Variants in CDKAL1 observed in about 807,000 individuals in gnomAD.
The protein encoded by CDKAL1 is threonylcarbamoyladenosine tRNA methylthiotransferase.
In CDKAL1, 32 loss-of-function variants were observed where a neutral mutation model predicts 68.2. The observed-to-expected ratio is 0.47, with a 90% confidence interval of 0.35 to 0.63. CDKAL1 has a LOEUF of 0.63. Ranked by LOEUF, CDKAL1 falls within the 30% of genes least tolerant of loss-of-function variation. The pLI is 0.00. For synonymous variants in CDKAL1, 234 were observed against 244.3 expected (o/e 0.96, Z 0.39); for missense variants, 606 against 696.7 (o/e 0.87, Z 1.47).
chr6:20,748,725 A>T (rs1283746094), intron 6 of CDKAL1, among the ~76,000 whole-genome samples: 1 of 151,970 alleles, frequency 6.6e-6, no homozygotes, highest in African/African-American at 2.4e-5. Context: ...TTTTTCAACA[A>T]GCCCACCAAG....
chr6:20,719,690 T>C (rs1372402194), intron 5 of CDKAL1, among the ~76,000 whole-genome samples: 1 of 152,208 alleles, frequency 6.6e-6, no homozygotes, highest in Non-Finnish European at 1.5e-5. Context: ...AAATGTATAG[T>C]TTAGCGAATT....
rs578050052 is a variant in CDKAL1, at chr6:20,950,080, G to A, written c.743-5339G>A. On this transcript the variant is annotated intron_variant, in intron 9 of 15. Transcript: ENST00000274695. ...GCTAGGATGGCAGGCACGAGCGCCCGGCCTCAAAGAGGTATTTTTTATGCA... is the reference window on the plus strand; with the variant it reads ...GCTAGGATGGCAGGCACGAGCGCCCAGCCTCAAAGAGGTATTTTTTATGCA... Among the ~76,000 whole-genome samples, 4 of 152,116 alleles carry A rather than the reference G, an allele frequency of 2.6e-5. 1 individual carries two copies. Among genetic ancestry groups the A allele is most frequent in the South Asian group, 4.2e-4 (2 of 4,814 alleles).
At chr6:21,003,209 A>G (rs1036243673) in intron 11 of CDKAL1, among the ~76,000 whole-genome samples, 92 of 151,022 alleles carry the variant, frequency 6.1e-4, no homozygotes, top group African/African-American at 2.0e-3. Flanking sequence ...ATTTAGAAGT[A>G]GATGAAATAT....
At chr6:20,562,622 A>G (rs942096637) in intron 4 of CDKAL1, among the ~76,000 whole-genome samples, 6 of 151,908 alleles carry the variant, frequency 3.9e-5, no homozygotes, top group Admixed American at 6.6e-5. Flanking sequence ...GGCGCCTGTA[A>G]TCCCAGCTAC....
chr6:20,828,983 C>G (rs755415126), intron 8 of CDKAL1, among the ~76,000 whole-genome samples: 3 of 152,110 alleles, frequency 2.0e-5, no homozygotes, highest in Non-Finnish European at 4.4e-5. Flanking sequence ...GCATAATGTT[C>G]TCAAGATTTA....
At chr6:21,109,198 G>A (rs1314507001) in intron 13 of CDKAL1, among the ~76,000 whole-genome samples, 2 of 152,180 alleles carry the variant, frequency 1.3e-5, no homozygotes, top group African/African-American at 4.8e-5. Context: ...AGGTTTCAGA[G>A]ACTTGTGCAA....
chr6:20,995,716 A>C (rs893489716), intron 10 of CDKAL1, among the ~76,000 whole-genome samples: 1 of 152,184 alleles, frequency 6.6e-6, no homozygotes, highest in African/African-American at 2.4e-5. Context: ...TGAGGGCCCT[A>C]GAATTTTCAG....
intron 15 of CDKAL1, among the ~76,000 whole-genome samples, chr6:21,202,406 A>G (rs990233759): frequency 1.4e-4 from 21 of 152,196 alleles, no homozygotes; most frequent in Non-Finnish European, 4.4e-5. Context: ...TAAAAAAAAA[A>G]AAATTGTACT....
chr6:20,787,414 C>G (rs1376723850), intron 8 of CDKAL1, among the ~76,000 whole-genome samples: 1 of 152,128 alleles, frequency 6.6e-6, no homozygotes, highest in Non-Finnish European at 1.5e-5. Flanking sequence ...ATATTTCAAA[C>G]TCATTATTTC....
chr6:21,045,813 A>AT (rs1770195801), intron 11 of CDKAL1, among the ~76,000 whole-genome samples: 1 of 152,116 alleles, frequency 6.6e-6, no homozygotes, highest in Admixed American at 6.6e-5. Flanking sequence ...TCATGTGGGT[A>AT]TTTTTATTTA....
chr6:20,592,342 C>A (rs906392923), intron 4 of CDKAL1, among the ~76,000 whole-genome samples: 1 of 152,156 alleles, frequency 6.6e-6, no homozygotes, highest in Non-Finnish European at 1.5e-5. Flanking sequence ...ATTCGAATAC[C>A]CTTTATTTCT....
chr6:21,014,185 A>C (rs1040319213), intron 11 of CDKAL1, among the ~76,000 whole-genome samples: 1 of 152,248 alleles, frequency 6.6e-6, no homozygotes, highest in Non-Finnish European at 1.5e-5. Context: ...AGCTGCACGG[A>C]AAACTAGAAA....
At chr6:20,565,252 G>T (rs1410603813) in intron 4 of CDKAL1, among the ~76,000 whole-genome samples, 2 of 152,042 alleles carry the variant, frequency 1.3e-5, no homozygotes, top group Non-Finnish European at 2.9e-5. Context: ...TGTTGTGGGG[G>T]TAAGTTTAGA....
At chr6:20,839,052 T>G (rs1778072109) in intron 8 of CDKAL1, among the ~76,000 whole-genome samples, 1 of 152,120 alleles carries the variant, frequency 6.6e-6, no homozygotes. Flanking sequence ...TGTGTGTCAA[T>G]TGACATATTA....
chr6:20,828,673 C>G (rs1284648092), intron 8 of CDKAL1, among the ~76,000 whole-genome samples: 1 of 152,142 alleles, frequency 6.6e-6, no homozygotes, highest in Non-Finnish European at 1.5e-5. Flanking sequence ...TAGCATTAAC[C>G]AGTCTGTCGT....
intron 9 of CDKAL1, among the ~76,000 whole-genome samples, chr6:20,897,813 G>A (rs1761770828): frequency 2.0e-5 from 3 of 151,764 alleles, no homozygotes; most frequent in African/African-American, 7.2e-5. Flanking sequence ...TTCCTACAGT[G>A]AACATGAATT....
intron 5 of CDKAL1, chr6:20,722,429 C>T (rs559202096): frequency 1.1e-5 from 3 of 265,270 alleles, no homozygotes; most frequent in Non-Finnish European, 2.2e-5. Flanking sequence ...CAACTGGGCT[C>T]AAAGCACTGA....
At position 20,700,355 on chromosome 6, in the gene CDKAL1, C is replaced by CA. The variant is rs111802988; in HGVS notation, c.372-39147dup. Among the ~76,000 whole-genome samples the CA allele has an allele frequency of 8.0e-3, 1,039 of 129,988 alleles. 11 individuals are homozygous for CA. The highest frequency in any genetic ancestry group is 0.03 in the Admixed American group (391 of 13,150). The allele number at this position is 129,988 out of a possible 152,430, so 85.3% of individuals were successfully genotyped here. A position where few individuals can be genotyped will look rare whatever the true frequency, so the allele number is the denominator to read the frequency against. On this transcript the variant is annotated intron_variant, in intron 5 of 15. Transcript: ENST00000274695. ...GGGCAACAAGAGTGAAACTCCATCT[C>CA]AAAAAAAAAAAAAAAAATAAATAAA...
rs767944745 is a variant in CDKAL1 at position 21,135,672 on chromosome 6, T to A, written c.1299+27209T>A. On this transcript the variant is annotated intron_variant, in intron 13 of 15. Transcript: ENST00000274695. The stretch of plus-strand genomic sequence containing the variant: ...ATAGAAACTATTGGACTGTGCTTCT[T>A]TAAAATTAAGGACATTCATCTGGAA... The A allele has an allele frequency of 1.9e-4, 187 of 983,920 alleles. 1 individual carries two copies. The highest frequency in any genetic ancestry group is 5.2e-4 in the Middle Eastern group (1 of 1,932). 60.9% of individuals were successfully genotyped at this position (983,920 alleles called of 1,614,324 possible). A position where few individuals can be genotyped will look rare whatever the true frequency, so the allele number is the denominator to read the frequency against.
Sources: gnomAD v4.1 joint callset for allele counts (sites outside exome capture counted in the v4.1 genomes callset) on GRCh38, gnomAD v4.1.1 for gene constraint, MANE v1.5 for transcripts, NCBI Gene and HGNC (gene_info 2026-07-23, HGNC 2026-07-21) for gene names.